Variants in TG observed in about 807,000 individuals in gnomAD.
TG encodes the protein thyroid hormones.
In TG, 270 loss-of-function variants were observed where a neutral mutation model predicts 324.7. The observed-to-expected ratio is 0.83, with a 90% CI of 0.75 to 0.92. The LOEUF (loss-of-function observed/expected upper bound fraction) is 0.92, where lower values mean the gene tolerates loss of function less well. Among genes scored for constraint, TG ranks in the 40% least tolerant of loss-of-function variants. The probability of loss-of-function intolerance (pLI) is 0.00; values close to 1 mark genes in which losing one functional copy is unlikely to be tolerated. For synonymous variants in TG, 1,401 were observed against 1,327.0 expected (o/e 1.06, Z -1.21); for missense variants, 3,591 against 3,456.4 (o/e 1.04, Z -0.98).
chr8:132,876,319 G>A (rs2132081366), intron 5 of TG, among the ~76,000 whole-genome samples: 1 of 152,134 alleles, frequency 6.6e-6, no homozygotes, highest in Non-Finnish European at 1.5e-5. Context: ...TGGAGGTGAG[G>A]GTCGGGGGGA....
chr8:132,925,659 TCA>T (rs1821765594), intron 22 of TG, among the ~76,000 whole-genome samples: 1 of 152,034 alleles, frequency 6.6e-6, no homozygotes, highest in Non-Finnish European at 1.5e-5. Context: ...CTTTGAGAGA[TCA>T]GTTAGCCAGA....
At position 132,979,394 on chromosome 8, in the gene TG, G is replaced by T. The variant is rs188076627; in HGVS notation, c.6200-3956G>T. ...TGTCTTCTGCTAAGCAAATGTTTTT[G>T]GACCCTCTTGCAATTCTAGATGTAA... is the stretch of plus-strand genomic sequence containing the variant. On this transcript the variant is annotated intron_variant, in intron 34 of 47. Transcript: ENST00000220616. Among the ~76,000 whole-genome samples, 11 of 152,238 alleles carry T rather than the reference G, an allele frequency of 7.2e-5. No homozygotes were observed. The East Asian group carries it at 2.1e-3, about 29-fold the overall frequency.
Position 132,893,554 on chromosome 8 carries a change from TGTGTATGTGTGTG to T in TG, c.2762-131_2762-119del, listed in dbSNP as rs1816651373. On this transcript the variant is annotated intron_variant, in intron 10 of 47. Coordinates refer to ENST00000220616, the MANE Select transcript of TG (RefSeq NM_003235.5). The stretch of plus-strand genomic sequence containing the variant: ...GTATGTGTGTGGTGTAGGGGGGTGG[TGTGTATGTGTGTG>T]GTGTGTGTGTGTGGTGTGTGTGTGG... 3.5e-6 allele frequency: 4 copies of T among 1,133,658 alleles called. No individual in the cohort carries two copies. The Admixed American group carries it at 5.8e-5, about 16-fold the overall frequency. The allele number at this position is 1,133,658 out of a possible 1,614,324, so 70.2% of individuals were successfully genotyped here.
chr8:132,897,633 C>A lies in TG; in HGVS notation c.3002-16C>A, dbSNP rs1349740623. On this transcript the variant is annotated splice_polypyrimidine_tract_variant and intron_variant, in intron 11 of 47. Coordinates refer to ENST00000220616, the MANE Select transcript of TG (RefSeq NM_003235.5). ...GCAGGTGGTCATATTCTGCTTTTCTCCTTCCCTGACTCCAGCCTTAAGCTT... is the reference window on the plus strand; with the variant it reads ...GCAGGTGGTCATATTCTGCTTTTCTACTTCCCTGACTCCAGCCTTAAGCTT... The A allele has an allele frequency of 6.2e-7, 1 of 1,614,118 alleles. No individual in the cohort carries two copies. Among genetic ancestry groups the A allele is most frequent in the South Asian group, 1.1e-5 (1 of 91,078 alleles).
At chr8:133,083,842 C>G (rs973937011) in intron 41 of TG, among the ~76,000 whole-genome samples, 4 of 152,180 alleles carry the variant, frequency 2.6e-5, no homozygotes, top group African/African-American at 9.7e-5. Flanking sequence ...CGTCCAGGTT[C>G]TAGTGAAGCC....
chr8:133,004,076 A>G (rs1833807078), intron 35 of TG, among the ~76,000 whole-genome samples: 1 of 152,230 alleles, frequency 6.6e-6, no homozygotes, highest in Non-Finnish European at 1.5e-5. Flanking sequence ...ATCTGGTCAC[A>G]GAGGAAAGAG....
At chr8:132,935,926 T>A in intron 25 of TG, 62 bp downstream of exon 25, 1 of 1,365,068 alleles carries the variant, frequency 7.3e-7, no homozygotes, top group South Asian at 1.2e-5. Context: ...TGTTTGGAGC[T>A]GGTTTCCAGC....
chr8:133,050,561 C>T (rs2131219907), intron 41 of TG: 1 of 414,956 alleles, frequency 2.4e-6, no homozygotes. Flanking sequence ...TGAGAAGAGG[C>T]TGGATCATAA....
At position 132,888,530 on chromosome 8, in the gene TG, T is replaced by C. The variant is rs879557272; in HGVS notation, c.2723T>C (p.Leu908Pro). Residue 908 changes from leucine (L) to proline (P), a missense_variant, in exon 10 of 48, where the codon CTG becomes CCG. Coordinates refer to ENST00000220616, the MANE Select transcript of TG (RefSeq NM_003235.5). ...TGTGTGGATGAGGCTGGCCAAGAAC[T>C]GGAAGGAATGCGGTCTGAGCCAAGC... ...CWCVDEAGQE[L>P]EGMRSEPSKL... is the part of the protein sequence containing the mutation. The C allele has an allele frequency of 5.0e-6, 8 of 1,611,632 alleles. No individual in the cohort carries two copies. The highest frequency in any genetic ancestry group is 6.8e-6 in the Non-Finnish European group (8 of 1,179,328).
At chr8:132,933,520 C>T in intron 23 of TG, 41 bp from the exon 24 acceptor site, 1 of 1,592,144 alleles carries the variant, frequency 6.3e-7, no homozygotes, top group Non-Finnish European at 8.6e-7. Flanking sequence ...TCAGCATCCC[C>T]CGGGAAAGCC....
chr8:133,057,014 C>T (rs796735397), intron 41 of TG, among the ~76,000 whole-genome samples: 48 of 152,250 alleles, frequency 3.2e-4, no homozygotes, highest in African/African-American at 1.1e-3. Context: ...GCAGGTGGTG[C>T]GAAGACCACT....
chr8:133,120,684 A>C (rs566001982), intron 45 of TG, among the ~76,000 whole-genome samples: 1 of 152,324 alleles, frequency 6.6e-6, no homozygotes, highest in African/African-American at 2.4e-5. Context: ...GTTAGGGCCC[A>C]CACTAATGAC....
chr8:132,872,308 C>A (rs1839559345), intron 4 of TG, among the ~76,000 whole-genome samples: 1 of 151,498 alleles, frequency 6.6e-6, no homozygotes, highest in South Asian at 2.1e-4. Flanking sequence ...GAAACCCCGT[C>A]TCTACTAAAA....
At chr8:132,952,533 G>A (rs987654796) in intron 27 of TG, among the ~76,000 whole-genome samples, 2 of 152,176 alleles carry the variant, frequency 1.3e-5, no homozygotes, top group African/African-American at 4.8e-5. Context: ...GACTTCGGGT[G>A]CAGACACCTG....
chr8:133,038,449 C>T (rs773622043), intron 41 of TG: 87 of 1,216,658 alleles, frequency 7.2e-5, no homozygotes, highest in East Asian at 1.4e-4. Flanking sequence ...CAGGGAACCT[C>T]GCTTTTCGCA....
chr8:133,007,616 G>A (rs1041914446), intron 35 of TG, among the ~76,000 whole-genome samples: 2 of 151,990 alleles, frequency 1.3e-5, no homozygotes, highest in African/African-American at 2.4e-5. Context: ...GACGGAACTC[G>A]AACTTATAAT....
At chr8:133,049,913 T>C in intron 41 of TG, 1 of 1,609,422 alleles carries the variant, frequency 6.2e-7, no homozygotes, top group Non-Finnish European at 8.5e-7. Flanking sequence ...CATGGTAAAC[T>C]CTGGCCACAC....
intron 36 of TG, among the ~76,000 whole-genome samples, chr8:133,013,259 A>G (rs1045130581): frequency 6.6e-6 from 1 of 152,244 alleles, no homozygotes; most frequent in Non-Finnish European, 1.5e-5. Context: ...TAAATGAGTG[A>G]TTGCATGACT....
At position 133,011,596 on chromosome 8, in the gene TG, C is replaced by G. The variant is rs921757742; in HGVS notation, c.6263-305C>G. ...GTAACAATTATATCATGATGTTTTT[C>G]TTTCTTCTCAACTTCTCTCCCATTC... On this transcript the variant is annotated intron_variant, in intron 35 of 47. Coordinates refer to ENST00000220616, the MANE Select transcript of TG (RefSeq NM_003235.5). Among the ~76,000 whole-genome samples the G allele has an allele frequency of 2.8e-4, 43 of 152,100 alleles. 1 individual carries two copies. The highest frequency in any genetic ancestry group is 2.6e-3 in the Admixed American group (40 of 15,270).
Sources: allele counts gnomAD v4.1 joint callset (sites outside exome capture counted in the v4.1 genomes callset), GRCh38; gene constraint gnomAD v4.1.1; transcripts MANE v1.5; gene names NCBI Gene and HGNC (gene_info 2026-07-23, HGNC 2026-07-21).